Variants in KIAA1549 observed in about 807,000 individuals in gnomAD.
KIAA1549 encodes the protein UPF0606 protein KIAA1549.
A neutral mutation model predicts 156.4 loss-of-function variants in KIAA1549; 70 were observed. The observed-to-expected ratio is 0.45, with a 90% confidence interval of 0.37 to 0.55. KIAA1549 has a LOEUF of 0.55. KIAA1549 is among the 20% of genes least tolerant of loss of function. The pLI, the probability that KIAA1549 is intolerant of heterozygous loss-of-function variation, is 0.00. For synonymous variants in KIAA1549, 1,103 were observed against 1,066.4 expected, an observed-to-expected ratio of 1.03 and a Z score of -0.67; for missense variants, 2,428 against 2,540.9, an observed-to-expected ratio of 0.96 and a Z score of 0.96.
At chr7:138,971,603 TG>T (rs1480865287) in intron 1 of KIAA1549, among the ~76,000 whole-genome samples, 1 of 152,168 alleles carries the variant, frequency 6.6e-6, no homozygotes, top group Non-Finnish European at 1.5e-5. Flanking sequence ...CCGCAGAAGC[TG>T]GCCCTCTGAG....
At chr7:138,903,791 C>CAG in intron 7 of KIAA1549, 55 bp from the exon 8 acceptor site, 1 of 1,352,702 alleles carries the variant, frequency 7.4e-7, no homozygotes, top group Admixed American at 2.3e-5. Flanking sequence ...AGTAAAAAAA[C>CAG]AGTGTGTGTG....
Position 138,918,097 on chromosome 7 carries a change from T to C in KIAA1549, c.1529A>G (p.Glu510Gly). ...GGTTGTAACACTACTCATATCCACC[T>C]CGGCAGAAATGCCAACACTCGTCTC... ...ISETSVGISA[E>G]VDMSSVTTTQ... The change falls in exon 2 of 20, where the codon GAG (glutamate) becomes GGG (glycine). Residue 510 changes from glutamate to glycine, a missense_variant. Glu to Gly is a moderately conservative substitution (Grantham distance 98). Coordinates refer to ENST00000422774, the MANE Select transcript of KIAA1549 (RefSeq NM_001164665.2). This position sits in a 1 kb window ranked among gnomAD's most constrained non-coding sequence, Gnocchi z 4.2. 6.2e-7 allele frequency: 1 copy of C among 1,613,932 alleles called. No individual in the cohort carries two copies. The highest frequency in any genetic ancestry group is 8.5e-7 in the Non-Finnish European group (1 of 1,179,876).
chr7:138,968,839 G>A (rs569914445), intron 1 of KIAA1549, among the ~76,000 whole-genome samples: 14 of 124,654 alleles, frequency 1.1e-4, no homozygotes, highest in East Asian at 2.4e-4. Context: ...CAGCTTGGGC[G>A]ACAGAGCCAG....
intron 18 of KIAA1549, 28 bp downstream of exon 18, chr7:138,844,289 G>T: frequency 6.2e-7 from 1 of 1,613,500 alleles, no homozygotes; most frequent in Non-Finnish European, 8.5e-7. Flanking sequence ...CCGTAGCTCA[G>T]AAATGGAAGC....
intron 1 of KIAA1549, among the ~76,000 whole-genome samples, chr7:138,975,965 G>C (rs58976953): frequency 0.034 from 5,251 of 152,248 alleles, 315 homozygotes; most frequent in African/African-American, 0.12. Context: ...TCCCAAACGG[G>C]CAGGAGTGAG....
chr7:138,907,944 G>A (rs1182956885), intron 5 of KIAA1549, among the ~76,000 whole-genome samples: 1 of 152,120 alleles, frequency 6.6e-6, no homozygotes, highest in Admixed American at 6.5e-5. Context: ...CTAGATGCTG[G>A]AAGGAGGGTG....
chr7:138,844,869 C>T (rs1810029048), intron 17 of KIAA1549, among the ~76,000 whole-genome samples: 1 of 151,198 alleles, frequency 6.6e-6, no homozygotes, highest in Non-Finnish European at 1.5e-5. Flanking sequence ...ACCAACACAG[C>T]GGTAATTTTT....
chr7:138,979,297 A>C (rs956754168), intron 1 of KIAA1549, among the ~76,000 whole-genome samples: 5 of 152,226 alleles, frequency 3.3e-5, no homozygotes, highest in African/African-American at 1.2e-4. Flanking sequence ...TGGGCAGTGC[A>C]AACAGCTTCA....
chr7:138,966,835 C>T (rs1814038648), intron 1 of KIAA1549, among the ~76,000 whole-genome samples: 1 of 152,100 alleles, frequency 6.6e-6, no homozygotes, highest in Admixed American at 6.6e-5. Flanking sequence ...TGGAATAGAT[C>T]CTTCTCTAGC....
chr7:138,936,725 A>ACC (rs139640080), intron 1 of KIAA1549, among the ~76,000 whole-genome samples: 2 of 135,994 alleles, frequency 1.5e-5, no homozygotes, highest in Admixed American at 7.3e-5. Context: ...GAGATGTGTG[A>ACC]CCCCCCCCAC....
At chr7:138,938,330 A>G (rs1446622584) in intron 1 of KIAA1549, among the ~76,000 whole-genome samples, 1 of 152,216 alleles carries the variant, frequency 6.6e-6, no homozygotes, top group African/African-American at 2.4e-5. Context: ...ACACACATCA[A>G]ATTGAGTTCT....
At chr7:138,905,899 A>G (rs1304864584) in intron 6 of KIAA1549, among the ~76,000 whole-genome samples, 2 of 152,198 alleles carry the variant, frequency 1.3e-5, no homozygotes, top group African/African-American at 2.4e-5. Context: ...ATATTCACAT[A>G]ATCATCACCA....
intron 1 of KIAA1549, among the ~76,000 whole-genome samples, chr7:138,923,790 A>C (rs978046635): frequency 2.0e-5 from 3 of 152,210 alleles, no homozygotes; most frequent in Non-Finnish European, 2.9e-5. Context: ...ATGGAGATCA[A>C]GAGTTAAGAC....
At chr7:138,912,524 C>T (rs1275547824) in intron 2 of KIAA1549, 64 bp from the exon 3 acceptor site, 3 of 1,348,192 alleles carry the variant, frequency 2.2e-6, no homozygotes, top group South Asian at 2.3e-5. Flanking sequence ...ACACACCAGA[C>T]TTCTGGACCC....
chr7:138,888,170 G>A (rs564403504), intron 10 of KIAA1549, among the ~76,000 whole-genome samples: 1 of 152,336 alleles, frequency 6.6e-6, no homozygotes, highest in Admixed American at 6.5e-5. Flanking sequence ...AAGCCTGGCA[G>A]GCACCCTTGT....
intron 1 of KIAA1549, among the ~76,000 whole-genome samples, chr7:138,929,360 C>T (rs1812809421): frequency 6.6e-6 from 1 of 152,104 alleles, no homozygotes. Context: ...AGTGACTCCT[C>T]GTCTGTTTAA....
chr7:138,938,040 A>G (rs751111238), intron 1 of KIAA1549, among the ~76,000 whole-genome samples: 18 of 152,148 alleles, frequency 1.2e-4, no homozygotes, highest in Admixed American at 2.0e-4. Flanking sequence ...CCTAACCCGA[A>G]GGTGATGGTA....
chr7:138,838,202 T>C (rs1287949102), intron 19 of KIAA1549, 42 bp from the exon 20 acceptor site: 3 of 1,442,654 alleles, frequency 2.1e-6, no homozygotes, highest in Non-Finnish European at 2.7e-6. Flanking sequence ...CTACGAAGAA[T>C]AAGCCGAAAC....
At chr7:138,927,507 G>A (rs376535713) in intron 1 of KIAA1549, among the ~76,000 whole-genome samples, 2 of 152,214 alleles carry the variant, frequency 1.3e-5, no homozygotes, top group African/African-American at 4.8e-5. Context: ...GTGTGGTGGC[G>A]CATGCCAGTA....
Sources: gnomAD v4.1 joint callset for allele counts (sites outside exome capture counted in the v4.1 genomes callset) on GRCh38, gnomAD v4.1.1 for gene constraint, Gnocchi (gnomAD v3.1) non-coding constraint, MANE v1.5 for transcripts, NCBI Gene and HGNC (gene_info 2026-07-23, HGNC 2026-07-21) for gene names.